Variants in NECAB1 observed in about 807,000 individuals in gnomAD.
NECAB1 encodes N-terminal EF-hand calcium binding protein 1, also known as N-terminal EF-hand calcium-binding protein 1.
Under a neutral mutation model 57.5 loss-of-function variants are expected in NECAB1, and 29 were observed. The observed-to-expected ratio is 0.50, with a 90% CI of 0.38 to 0.69. The LOEUF is 0.69. Among genes scored for constraint, NECAB1 ranks in the 30% least tolerant of loss-of-function variants. The pLI, the probability that NECAB1 is intolerant of heterozygous loss-of-function variation, is 0.00. For missense variants in NECAB1, 372 were observed against 413.8 expected (o/e 0.90, Z 0.88); for synonymous variants, 142 against 147.7 (o/e 0.96, Z 0.28).
intron 3 of NECAB1, among the ~76,000 whole-genome samples, chr8:90,864,905 A>G (rs1010235299): frequency 6.6e-6 from 1 of 152,018 alleles, no homozygotes; most frequent in Admixed American, 6.6e-5. Flanking sequence ...AGTGTGCTCA[A>G]TTTTGTACCA....
chr8:90,876,675 A>G (rs1233899901), intron 4 of NECAB1, among the ~76,000 whole-genome samples: 1 of 152,170 alleles, frequency 6.6e-6, no homozygotes, highest in East Asian at 1.9e-4. Context: ...ATTTTTTGTT[A>G]GCATTTTAGT....
intron 10 of NECAB1, 78 bp from the exon 11 acceptor site, chr8:90,949,729 C>A: frequency 1.4e-6 from 1 of 726,040 alleles, no homozygotes. Context: ...TTGTTTCATA[C>A]TACATATGGA....
rs768752767 is a variant in NECAB1 at position 90,925,587 on chromosome 8, T to A, written c.547T>A (p.Ser183Thr). Residue 183 changes from serine (S) to threonine (T), a missense_variant, in exon 7 of 13, where the codon TCA becomes ACA. Physicochemically the swap from Ser to Thr is moderately conservative, Grantham distance 58 (BLOSUM62 1). Coordinates refer to ENST00000417640, the MANE Select transcript of NECAB1 (RefSeq NM_022351.5). ...VLSIQWPGKR[S>T]SRRVQRHNSF... ...GTCGATTCAATGGCCTGGAAAACGA[T>A]CAAGCCGCCGAGTCCAGAGACACAA... 100 of 1,613,394 alleles carry A rather than the reference T, an allele frequency of 6.2e-5. No individual in the cohort carries two copies. The highest frequency in any genetic ancestry group is 8.1e-5 in the Non-Finnish European group (96 of 1,179,752).
At chr8:90,939,037 TAC>T (rs1327728125) in intron 9 of NECAB1, among the ~76,000 whole-genome samples, 1 of 152,220 alleles carries the variant, frequency 6.6e-6, no homozygotes, top group Non-Finnish European at 1.5e-5. Context: ...GTTGGCAAAC[TAC>T]AGCATACCTC....
At position 90,917,677 on chromosome 8, in the gene NECAB1, T is replaced by C. The variant is rs201356730; in HGVS notation, c.494+49T>C. 6 of 1,512,924 alleles carry C rather than the reference T, an allele frequency of 4.0e-6. No homozygotes were observed. In the East Asian group the frequency reaches 6.9e-5, roughly 17 times the overall value. 93.7% of individuals were successfully genotyped at this position (1,512,924 alleles called of 1,614,324 possible). ...TGTCTATTTAGTGACTCTATGTTCATGAAAAAACAATTGAGAGGCATTGTA... is the reference window on the plus strand; with the variant it reads ...TGTCTATTTAGTGACTCTATGTTCACGAAAAAACAATTGAGAGGCATTGTA... On this transcript the variant is annotated intron_variant, in intron 6 of 12. Transcript: ENST00000417640.
rs1212977361 is a variant in NECAB1, at chr8:90,955,557, G to T, written c.*45G>T. On this transcript the variant is annotated 3_prime_UTR_variant, in exon 13 of 13. Transcript: ENST00000417640. ...TTATGGTTCCAAGTGCAAAACAGGT[G>T]TTCTTATCTAAAACGTCAATTAGAA... The T allele has an allele frequency of 4.8e-6, 7 of 1,451,464 alleles. No homozygotes were observed. The highest frequency in any genetic ancestry group is 3.5e-4 in the Middle Eastern group (2 of 5,780). The allele number at this position is 1,451,464 out of a possible 1,614,324, so 89.9% of individuals were successfully genotyped here. A position where few individuals can be genotyped will look rare whatever the true frequency, so the allele number is the denominator to read the frequency against.
chr8:90,921,356 T>A (rs1810106140), intron 6 of NECAB1, among the ~76,000 whole-genome samples: 1 of 152,146 alleles, frequency 6.6e-6, no homozygotes, highest in East Asian at 1.9e-4. Context: ...GATTTTGTGA[T>A]GCCCTTCACA....
intron 1 of NECAB1, among the ~76,000 whole-genome samples, chr8:90,799,023 G>A (rs750650846): frequency 5.9e-5 from 9 of 152,098 alleles, no homozygotes; most frequent in Non-Finnish European, 1.2e-4. Context: ...ATAGCATATT[G>A]TGGTTTTGAT....
intron 3 of NECAB1, among the ~76,000 whole-genome samples, chr8:90,871,737 T>A (rs1808625515): frequency 6.6e-6 from 1 of 152,124 alleles, no homozygotes. Flanking sequence ...CCAGAAATTT[T>A]TATTACTATC....
At chr8:90,839,517 T>C (rs1812422263) in intron 3 of NECAB1, among the ~76,000 whole-genome samples, 1 of 152,054 alleles carries the variant, frequency 6.6e-6, no homozygotes, top group South Asian at 2.1e-4. Context: ...GACAGGGAGA[T>C]ATAGTGCTTT....
At chr8:90,869,316 G>T (rs1173123450) in intron 3 of NECAB1, among the ~76,000 whole-genome samples, 1 of 152,200 alleles carries the variant, frequency 6.6e-6, no homozygotes, top group East Asian at 1.9e-4. Context: ...GTCCCCACTG[G>T]GGCACTGCCT....
At chr8:90,864,395 A>G (rs1180337100) in intron 3 of NECAB1, among the ~76,000 whole-genome samples, 4 of 151,810 alleles carry the variant, frequency 2.6e-5, no homozygotes, top group Non-Finnish European at 5.9e-5. Flanking sequence ...AGGGACTTAA[A>G]CTACTCAGCA....
chr8:90,918,395 A>G (rs1810029001), intron 6 of NECAB1, among the ~76,000 whole-genome samples: 1 of 152,000 alleles, frequency 6.6e-6, no homozygotes, highest in Admixed American at 6.6e-5. Context: ...ATTTAACATA[A>G]TGTCAATCCT....
chr8:90,824,389 T>C (rs1481782111), intron 2 of NECAB1, among the ~76,000 whole-genome samples: 1 of 151,838 alleles, frequency 6.6e-6, no homozygotes, highest in Non-Finnish European at 1.5e-5. Context: ...ATTGACTCTG[T>C]GTTGAGCTCT....
intron 1 of NECAB1, among the ~76,000 whole-genome samples, chr8:90,800,957 C>T (rs941048890): frequency 5.9e-5 from 9 of 151,986 alleles, no homozygotes; most frequent in Non-Finnish European, 1.5e-5. Flanking sequence ...ACCGGATGGC[C>T]AAATAGTTCT....
At chr8:90,952,380 A>G (rs893410641) in intron 12 of NECAB1, among the ~76,000 whole-genome samples, 3 of 152,180 alleles carry the variant, frequency 2.0e-5, no homozygotes, top group Non-Finnish European at 1.5e-5. Flanking sequence ...GCTTGGGGAG[A>G]TGCCTTTCTT....
chr8:90,854,760 C>T lies in NECAB1; in HGVS notation c.234-17368C>T, dbSNP rs558411966. 1.1e-4 allele frequency among the ~76,000 whole-genome samples: 17 copies of T among 152,338 alleles called. No individual in the cohort carries two copies. In the South Asian group the frequency reaches 3.3e-3, roughly 30 times the overall value. On this transcript the variant is annotated intron_variant, in intron 3 of 12. Transcript: ENST00000417640. The stretch of plus-strand genomic sequence containing the variant: ...CAGTCACTGTTTCACTTGCTATAAT[C>T]CACAGGGTAATGGAGAGCTTTCTAA...
chr8:90,808,640 C>CTTTTTTTTTTTTT (rs200075536), intron 2 of NECAB1, among the ~76,000 whole-genome samples: 1,131 of 81,214 alleles, frequency 0.014, 1 homozygote, highest in Middle Eastern at 0.029. Flanking sequence ...TTTTTCTTTT[C>CTTTTTTTTTTTTT]TTTTTTTTTT....
At chr8:90,860,886 T>C (rs895193887) in intron 3 of NECAB1, among the ~76,000 whole-genome samples, 5 of 152,008 alleles carry the variant, frequency 3.3e-5, no homozygotes, top group Admixed American at 2.6e-4. Context: ...AGTTTTAGGG[T>C]ATTGTGAGGG....
Sources: gnomAD v4.1 joint callset for allele counts (sites outside exome capture counted in the v4.1 genomes callset) on GRCh38, gnomAD v4.1.1 for gene constraint, MANE v1.5 for transcripts, NCBI Gene and HGNC (gene_info 2026-07-23, HGNC 2026-07-21) for gene names.